Variants in KLHL1 observed in about 807,000 individuals in gnomAD.
KLHL1 encodes the protein kelch like family member 1, also known as kelch-like protein 1.
Under a neutral mutation model 77.7 loss-of-function variants are expected in KLHL1, and 47 were observed. The observed-to-expected ratio is 0.60, with a 90% CI of 0.48 to 0.77. The LOEUF (loss-of-function observed/expected upper bound fraction) is 0.77. Among genes scored for constraint, KLHL1 ranks in the 30% least tolerant of loss-of-function variants. The pLI, the probability that KLHL1 is intolerant of heterozygous loss-of-function variation, is 0.00. For synonymous variants in KLHL1, 360 were observed against 325.2 expected (o/e 1.11, Z -1.15); for missense variants, 925 against 910.8 (o/e 1.02, Z -0.20).
chr13:70,024,636 C>CTT lies in KLHL1; in HGVS notation c.498-48835_498-48834insAA, dbSNP rs1566508879. The stretch of plus-strand genomic sequence containing the variant: ...AGAAAAGATTTCTCTCTCTCTCTCT[C>CTT]TCTCTCTCTCTCTCTCTCTCTCTCG... On this transcript the variant is annotated intron_variant, in intron 1 of 10. Coordinates refer to ENST00000377844, the MANE Select transcript of KLHL1 (RefSeq NM_020866.3). Among the ~76,000 whole-genome samples the CTT allele has an allele frequency of 9.6e-3, 1,390 of 144,690 alleles. 9 individuals carry two copies. Among genetic ancestry groups the CTT allele is most frequent in the South Asian group, 0.013 (59 of 4,538 alleles). 94.9% of individuals were successfully genotyped at this position (144,690 alleles called of 152,430 possible).
At position 69,701,450 on chromosome 13, in the gene KLHL1, T is replaced by A; in HGVS notation, c.*252A>T. Reference sequence around the variant, plus strand: ...TAACTCTAGTTATTGTATGCTATAATACAAAACAAATTACCAATAACCATT... The same window carrying A: ...TAACTCTAGTTATTGTATGCTATAAAACAAAACAAATTACCAATAACCATT... On this transcript the variant is annotated 3_prime_UTR_variant, in exon 11 of 11. Coordinates refer to ENST00000377844, the MANE Select transcript of KLHL1 (RefSeq NM_020866.3). 2 of 399,128 alleles carry A rather than the reference T, an allele frequency of 5.0e-6. No individual in the cohort carries two copies. Among genetic ancestry groups the A allele is most frequent in the Admixed American group, 9.0e-5 (2 of 22,302 alleles). The allele number at this position is 399,128 out of a possible 1,614,324, so 24.7% of individuals were successfully genotyped here. A position where few individuals can be genotyped will look rare whatever the true frequency, so the allele number is the denominator to read the frequency against.
intron 5 of KLHL1, among the ~76,000 whole-genome samples, chr13:69,876,279 A>G (rs1023426850): frequency 6.6e-6 from 1 of 152,100 alleles, no homozygotes; most frequent in Non-Finnish European, 1.5e-5. Context: ...TATAAATCAG[A>G]TGTTTTAGTT....
rs33971927 is a variant in KLHL1 at position 70,075,760 on chromosome 13, CAT to C, written c.497+31441_497+31442del. Among the ~76,000 whole-genome samples, 8 of 140,778 alleles carry C rather than the reference CAT, an allele frequency of 5.7e-5. No homozygotes were observed. In the South Asian group the frequency reaches 6.6e-4, roughly 12 times the overall value. 92.4% of individuals were successfully genotyped at this position (140,778 alleles called of 152,430 possible). A position where few individuals can be genotyped will look rare whatever the true frequency, so the allele number is the denominator to read the frequency against. On this transcript the variant is annotated intron_variant, in intron 1 of 10. Transcript: ENST00000377844. ...GTATATATATACACACATACACACACATATATATATATACATATATATGTATA... is the reference window on the plus strand; with the variant it reads ...GTATATATATACACACATACACACACATATATATATACATATATATGTATA...
intron 7 of KLHL1, among the ~76,000 whole-genome samples, chr13:69,786,746 A>T (rs1007729505): frequency 6.6e-6 from 1 of 152,212 alleles, no homozygotes; most frequent in Non-Finnish European, 1.5e-5. Context: ...ATGATTGTAT[A>T]TCTAGAAAAC....
At chr13:69,898,044 G>A (rs1461301609) in intron 4 of KLHL1, among the ~76,000 whole-genome samples, 4 of 152,202 alleles carry the variant, frequency 2.6e-5, no homozygotes, top group African/African-American at 9.6e-5. Context: ...CAGCAAAGAA[G>A]TGGTCATTGG....
intron 7 of KLHL1, among the ~76,000 whole-genome samples, chr13:69,746,709 A>T (rs1435589363): frequency 6.6e-6 from 1 of 151,918 alleles, no homozygotes; most frequent in African/African-American, 2.4e-5. Context: ...TGTTGAGAGA[A>T]CGCAAATGAT....
At chr13:69,972,608 G>A (rs749310023) in intron 2 of KLHL1, among the ~76,000 whole-genome samples, 3 of 151,736 alleles carry the variant, frequency 2.0e-5, no homozygotes, top group Non-Finnish European at 4.4e-5. Context: ...AGTTTTTGGC[G>A]TATATCCTTC....
chr13:70,037,119 C>G (rs1430118978), intron 1 of KLHL1, among the ~76,000 whole-genome samples: 1 of 151,832 alleles, frequency 6.6e-6, no homozygotes, highest in Non-Finnish European at 1.5e-5. Context: ...GCCAATTTTA[C>G]TTAGTAAGAT....
At chr13:70,021,307 A>G (rs188427417) in intron 1 of KLHL1, among the ~76,000 whole-genome samples, 2 of 152,176 alleles carry the variant, frequency 1.3e-5, no homozygotes, top group Admixed American at 6.6e-5. Flanking sequence ...AATATGCATT[A>G]AAGTGTCTTG....
intron 4 of KLHL1, among the ~76,000 whole-genome samples, chr13:69,912,390 A>G (rs1397127196): frequency 6.6e-6 from 1 of 152,224 alleles, no homozygotes; most frequent in Non-Finnish European, 1.5e-5. Context: ...TGGTAGTATC[A>G]GAAAAAAATT....
chr13:69,966,597 ATTTCT>A lies in KLHL1; in HGVS notation c.681-5158_681-5154del, dbSNP rs1195890467. On this transcript the variant is annotated intron_variant, in intron 2 of 10. Coordinates refer to ENST00000377844, the MANE Select transcript of KLHL1 (RefSeq NM_020866.3). Reference sequence around the variant, plus strand: ...ATATTATTTTTAAAAAGTATATTTCATTTCTTTTCTTTTTTCCTTTTTATTTGTAC... The same window carrying A: ...ATATTATTTTTAAAAAGTATATTTCATTTCTTTTTTCCTTTTTATTTGTAC... Among the ~76,000 whole-genome samples the A allele has an allele frequency of 2.0e-4, 31 of 152,074 alleles. No homozygotes were observed. In the East Asian group the frequency reaches 4.4e-3, roughly 22 times the overall value.
chr13:69,803,764 A>G (rs1451058059), intron 6 of KLHL1, among the ~76,000 whole-genome samples: 1 of 152,204 alleles, frequency 6.6e-6, no homozygotes, highest in Non-Finnish European at 1.5e-5. Flanking sequence ...GATGGGTCAT[A>G]TAAGAAGGAA....
At chr13:69,918,838 A>C (rs1015639042) in intron 4 of KLHL1, among the ~76,000 whole-genome samples, 2 of 152,158 alleles carry the variant, frequency 1.3e-5, no homozygotes, top group South Asian at 4.1e-4. Flanking sequence ...TCAATTAATT[A>C]CATTCTCCTC....
At chr13:70,084,461 C>CTTTTTTTTTTTTTTTTTTTTT (rs1324246935) in intron 1 of KLHL1, among the ~76,000 whole-genome samples, 5 of 115,104 alleles carry the variant, frequency 4.3e-5, no homozygotes, top group South Asian at 2.5e-4. Context: ...ATTTCTTCTT[C>CTTTTTTTTTTTTTTTTTTTTT]TTCTTTTTTT....
chr13:69,960,136 C>CT (rs1361963229), intron 3 of KLHL1, among the ~76,000 whole-genome samples: 4 of 83,252 alleles, frequency 4.8e-5, no homozygotes, highest in South Asian at 3.5e-4. Flanking sequence ...TTTCAGGAAG[C>CT]TTTTTTTACT....
intron 1 of KLHL1, among the ~76,000 whole-genome samples, chr13:70,024,217 T>C (rs1885874682): frequency 6.6e-6 from 1 of 151,964 alleles, no homozygotes; most frequent in South Asian, 2.1e-4. Context: ...ATTTCTCACT[T>C]AACTGAATTA....
At chr13:70,071,511 A>G (rs1040449895) in intron 1 of KLHL1, among the ~76,000 whole-genome samples, 4 of 152,128 alleles carry the variant, frequency 2.6e-5, no homozygotes, top group East Asian at 1.9e-4. Context: ...TTTGTAGAAC[A>G]GCAGAATATG....
rs756660309 is a variant in KLHL1, at chr13:69,719,567, C to T, written c.1817G>A (p.Gly606Glu). 1.2e-6 allele frequency: 2 copies of T among 1,611,416 alleles called. No individual in the cohort carries two copies. The highest frequency in any genetic ancestry group is 1.7e-5 in the Admixed American group (1 of 59,714). Residue 606 changes from glycine to glutamate, a missense_variant, in exon 9 of 11, where the codon GGA becomes GAA. Physicochemically the swap from Gly to Glu is moderately conservative, Grantham distance 98 (BLOSUM62 -2). Coordinates refer to ENST00000377844, the MANE Select transcript of KLHL1 (RefSeq NM_020866.3). ...AALNGKLYSVGGRDGSSCLSS... is the reference protein window; with the variant it reads ...AALNGKLYSVEGRDGSSCLSS... Reference sequence around the variant, plus strand: ...CAAACAGGAACTTCCATCACGACCTCCAACTGAATACAACCTAAAAACACA... The same window carrying T: ...CAAACAGGAACTTCCATCACGACCTTCAACTGAATACAACCTAAAAACACA...
At chr13:69,975,308 C>T (rs887014649) in intron 2 of KLHL1, among the ~76,000 whole-genome samples, 2 of 151,974 alleles carry the variant, frequency 1.3e-5, no homozygotes, top group African/African-American at 4.8e-5. Context: ...GACTGTGAAT[C>T]CCACAGTCCC....
Sources: allele counts gnomAD v4.1 joint callset (sites outside exome capture counted in the v4.1 genomes callset), GRCh38; gene constraint gnomAD v4.1.1; transcripts MANE v1.5; gene names NCBI Gene and HGNC (gene_info 2026-07-23, HGNC 2026-07-21).